Variants in RAB38 observed in about 807,000 individuals in gnomAD.
The protein encoded by RAB38 is ras-related protein Rab-38.
RAB38 carries 15 observed loss-of-function variants against 18.4 expected under a neutral mutation model. That is an observed-to-expected ratio of 0.82 (90% CI 0.55 to 1.26). The LOEUF (loss-of-function observed/expected upper bound fraction) is 1.26. Among genes scored for constraint, RAB38 ranks in the 50% most tolerant of loss-of-function variants. The probability of loss-of-function intolerance (pLI) is 0.00; values close to 1 mark genes in which losing one functional copy is unlikely to be tolerated. For synonymous variants in RAB38, 101 were observed against 104.4 expected (o/e 0.97, Z 0.20); for missense variants, 294 against 267.4 (o/e 1.10, Z -0.69).
the RAB38 span, among the ~76,000 whole-genome samples, chr11:87,938,638 T>C: frequency 8.5e-5 from 9 of 106,032 alleles, no homozygotes; most frequent in South Asian, 3.6e-4. Context: ...TTTTTGATTT[T>C]GTTGTTGTTG....
the RAB38 span, among the ~76,000 whole-genome samples, chr11:88,068,836 C>T: frequency 6.6e-6 from 1 of 152,170 alleles, no homozygotes; most frequent in Non-Finnish European, 1.5e-5. Context: ...TATTTTAAGG[C>T]AATTTGCTAA....
At chr11:88,145,042 G>A (rs1264522036) in intron 2 of RAB38, among the ~76,000 whole-genome samples, 1 of 152,150 alleles carries the variant, frequency 6.6e-6, no homozygotes, top group Non-Finnish European at 1.5e-5. Flanking sequence ...CGGCGTATGG[G>A]CTGTGGGTAG....
chr11:87,894,281 G>A, the RAB38 span, among the ~76,000 whole-genome samples: 34 of 151,736 alleles, frequency 2.2e-4, no homozygotes, highest in African/African-American at 8.2e-4. Flanking sequence ...AGGTATGAGG[G>A]AGGAATAAAT....
chr11:87,938,836 C>A, the RAB38 span, among the ~76,000 whole-genome samples: 1 of 151,734 alleles, frequency 6.6e-6, no homozygotes, highest in Non-Finnish European at 1.5e-5. Flanking sequence ...AGGTCCCTAG[C>A]CGGTCTGCCT....
the RAB38 span, among the ~76,000 whole-genome samples, chr11:88,054,021 T>C: frequency 6.6e-6 from 1 of 152,182 alleles, no homozygotes; most frequent in East Asian, 1.9e-4. Context: ...TGCCAAGTCA[T>C]TAAACCTGCC....
At chr11:87,867,707 A>G in the RAB38 span, among the ~76,000 whole-genome samples, 1 of 151,742 alleles carries the variant, frequency 6.6e-6, no homozygotes, top group Non-Finnish European at 1.5e-5. Context: ...AACACTTAAT[A>G]TTTAACTAGT....
In RAB38 at chr11:88,149,969, G is replaced by T. The variant is rs1289036499; in HGVS notation, c.203-14C>A. 1 of 1,580,236 alleles carries T rather than the reference G, an allele frequency of 6.3e-7. No homozygotes were observed. Among genetic ancestry groups the T allele is most frequent in the Non-Finnish European group, 8.6e-7 (1 of 1,164,882 alleles). Reference sequence around the variant, plus strand: ...ATCTTTCTTGACCTGACACCAAAAAGAAATAAAAATAAAAATGTATTAAAA... The same window carrying T: ...ATCTTTCTTGACCTGACACCAAAAATAAATAAAAATAAAAATGTATTAAAA... On this transcript the variant is annotated splice_polypyrimidine_tract_variant and intron_variant, in intron 1 of 2. Transcript: ENST00000243662.
At chr11:87,953,706 T>C in the RAB38 span, among the ~76,000 whole-genome samples, 3 of 152,130 alleles carry the variant, frequency 2.0e-5, no homozygotes, top group Non-Finnish European at 4.4e-5. Flanking sequence ...GTTTCAGGCA[T>C]CCAGTGAGAG....
chr11:87,870,514 C>A, the RAB38 span, among the ~76,000 whole-genome samples: 1 of 151,516 alleles, frequency 6.6e-6, no homozygotes, highest in African/African-American at 2.4e-5. Context: ...GGGTCCGTGA[C>A]TTTTCCTTAC....
the RAB38 span, among the ~76,000 whole-genome samples, chr11:87,954,853 G>A: frequency 6.6e-6 from 1 of 152,152 alleles, no homozygotes; most frequent in Non-Finnish European, 1.5e-5. Context: ...GGGATGAAAA[G>A]CATTATCCCG....
chr11:88,121,045 G>A (rs1042262512), intron 2 of RAB38, among the ~76,000 whole-genome samples: 6 of 152,112 alleles, frequency 3.9e-5, no homozygotes, highest in African/African-American at 9.7e-5. Flanking sequence ...TATAGAATGC[G>A]CCTCACCTCT....
chr11:87,819,659 GAT>G, the RAB38 span, among the ~76,000 whole-genome samples: 117 of 140,982 alleles, frequency 8.3e-4, 1 homozygote, highest in African/African-American at 2.7e-3. Flanking sequence ...GGATCTCTTG[GAT>G]ATATATATAT....
intron 1 of RAB38, among the ~76,000 whole-genome samples, chr11:88,152,696 G>A (rs780004683): frequency 3.9e-4 from 59 of 152,152 alleles, no homozygotes; most frequent in Non-Finnish European, 6.9e-4. Context: ...GTGACTCAGA[G>A]TGAGTGCCTA....
the RAB38 span, among the ~76,000 whole-genome samples, chr11:88,006,788 A>G: frequency 2.0e-5 from 3 of 151,462 alleles, no homozygotes; most frequent in African/African-American, 7.3e-5. Context: ...TAATATGTGG[A>G]ATCTAAGAAG....
the RAB38 span, among the ~76,000 whole-genome samples, chr11:88,039,363 T>A: frequency 2.6e-5 from 4 of 152,130 alleles, no homozygotes; most frequent in African/African-American, 9.7e-5. Flanking sequence ...TACTTTTTTT[T>A]TATGATAGAA....
the RAB38 span, among the ~76,000 whole-genome samples, chr11:87,944,037 T>A: frequency 6.6e-6 from 1 of 152,150 alleles, no homozygotes; most frequent in East Asian, 1.9e-4. Flanking sequence ...AACACAATAA[T>A]AAAGCAAATG....
the RAB38 span, among the ~76,000 whole-genome samples, chr11:87,833,828 A>G: frequency 6.6e-6 from 1 of 152,226 alleles, no homozygotes; most frequent in African/African-American, 2.4e-5. Flanking sequence ...TTGATAGAAT[A>G]ATGTCCTCCC....
the RAB38 span, among the ~76,000 whole-genome samples, chr11:88,026,014 G>A: frequency 6.6e-6 from 1 of 151,852 alleles, no homozygotes; most frequent in Middle Eastern, 3.2e-3. Flanking sequence ...CGCCAGGCTG[G>A]AGTGCAATGG....
At chr11:87,932,393 T>C in the RAB38 span, among the ~76,000 whole-genome samples, 1 of 152,014 alleles carries the variant, frequency 6.6e-6, no homozygotes. Context: ...ACCTGGAACA[T>C]GGCAGAAAGG....
Sources: gnomAD v4.1 joint callset for allele counts (sites outside exome capture counted in the v4.1 genomes callset) on GRCh38, gnomAD v4.1.1 for gene constraint, MANE v1.5 for transcripts, NCBI Gene and HGNC (gene_info 2026-07-23, HGNC 2026-07-21) for gene names.